Variants in ASTN2 observed in about 807,000 individuals in gnomAD.
ASTN2 encodes astrotactin 2, also known as astrotactin-2.
A neutral mutation model predicts 139.8 loss-of-function variants in ASTN2; 54 were observed. The observed-to-expected ratio is 0.39, with a 90% confidence interval of 0.31 to 0.48. ASTN2 has a LOEUF of 0.48. ASTN2 is among the 20% of genes least tolerant of loss of function. The pLI, the probability that ASTN2 is intolerant of heterozygous loss-of-function variation, is 0.95. For synonymous variants in ASTN2, 756 were observed against 719.5 expected (o/e 1.05, Z -0.81); for missense variants, 1,565 against 1,725.1 (o/e 0.91, Z 1.64).
chr9:116,601,706 C>A (rs750737842), intron 19 of ASTN2, among the ~76,000 whole-genome samples: 8 of 152,084 alleles, frequency 5.3e-5, no homozygotes, highest in Non-Finnish European at 7.4e-5. Flanking sequence ...AGTAAATGAA[C>A]AATTGGAAAG....
intron 2 of ASTN2, among the ~76,000 whole-genome samples, chr9:117,226,727 C>T (rs1014123274): frequency 1.3e-5 from 2 of 152,166 alleles, no homozygotes; most frequent in African/African-American, 2.4e-5. Context: ...GCTGAAAAGT[C>T]AGTGACAGGA....
rs1335432904 is a variant in ASTN2 at position 116,975,390 on chromosome 9, G to C, written c.1752-45C>G. 6.6e-6 allele frequency: 10 copies of C among 1,526,490 alleles called. No homozygotes were observed. In the East Asian group the frequency reaches 2.1e-4, roughly 32 times the overall value. 94.6% of individuals were successfully genotyped at this position (1,526,490 alleles called of 1,614,324 possible). ...ATTGGGGAACTCCCTGGGAAGCAGA[G>C]AGCAAACAGAAAAAAGGGGCCCCTG... On this transcript the variant is annotated intron_variant, in intron 9 of 22. Transcript: ENST00000313400.
At chr9:117,322,210 C>T (rs936110556) in intron 1 of ASTN2, among the ~76,000 whole-genome samples, 1 of 152,112 alleles carries the variant, frequency 6.6e-6, no homozygotes, top group Admixed American at 6.5e-5. Flanking sequence ...GTTGTACTCC[C>T]CCTTATCACA....
chr9:116,539,041 C>T (rs1389242731), intron 19 of ASTN2, among the ~76,000 whole-genome samples: 1 of 152,120 alleles, frequency 6.6e-6, no homozygotes, highest in Non-Finnish European at 1.5e-5. Context: ...CTGGTACATG[C>T]TACGACATGG....
At chr9:116,687,240 CA>C (rs1860287345) in intron 16 of ASTN2, 1 of 997,762 alleles carries the variant, frequency 1.0e-6, no homozygotes, top group Non-Finnish European at 1.2e-6. Context: ...CAAGCCCCAG[CA>C]TGCTGGGGAG....
intron 10 of ASTN2, among the ~76,000 whole-genome samples, chr9:116,892,704 C>T (rs909237177): frequency 6.6e-6 from 1 of 152,062 alleles, no homozygotes; most frequent in Non-Finnish European, 1.5e-5. Flanking sequence ...GCACTGTAAT[C>T]GTTATTTTGC....
At chr9:116,820,890 G>A (rs1831467504) in intron 11 of ASTN2, 107 bp from the exon 12 acceptor site, 9 of 1,166,690 alleles carry the variant, frequency 7.7e-6, no homozygotes, top group Non-Finnish European at 1.1e-5. Flanking sequence ...CTGACAGAAA[G>A]GTATTCAGTC....
chr9:116,592,870 C>T (rs1854431201), intron 19 of ASTN2, among the ~76,000 whole-genome samples: 1 of 152,172 alleles, frequency 6.6e-6, no homozygotes, highest in East Asian at 1.9e-4. Context: ...TGGATCTTTT[C>T]CCTTCATAAT....
intron 19 of ASTN2, among the ~76,000 whole-genome samples, chr9:116,528,539 AT>A: frequency 6.6e-6 from 1 of 152,308 alleles, no homozygotes; most frequent in South Asian, 2.1e-4. Context: ...AGAAAAACCC[AT>A]TTTTTGCAGA....
chr9:117,244,345 A>T (rs977270299), intron 2 of ASTN2, among the ~76,000 whole-genome samples: 1 of 152,104 alleles, frequency 6.6e-6, no homozygotes, highest in African/African-American at 2.4e-5. Context: ...ATGTACATAT[A>T]CATACTAGGA....
At chr9:116,605,136 T>C (rs1855123848) in intron 19 of ASTN2, among the ~76,000 whole-genome samples, 1 of 150,326 alleles carries the variant, frequency 6.7e-6, no homozygotes, top group African/African-American at 2.5e-5. Context: ...AAGGAAATAA[T>C]CAGGAAAGGA....
chr9:117,060,945 C>T (rs140568936), intron 5 of ASTN2, among the ~76,000 whole-genome samples: 6 of 151,912 alleles, frequency 3.9e-5, no homozygotes, highest in Admixed American at 2.0e-4. Flanking sequence ...AAAGTAGACA[C>T]GATAGAATTT....
At chr9:117,131,170 C>A (rs907781711) in intron 4 of ASTN2, among the ~76,000 whole-genome samples, 3 of 152,098 alleles carry the variant, frequency 2.0e-5, no homozygotes, top group African/African-American at 7.2e-5. Context: ...TAAGCCTGCC[C>A]AACACACTGA....
At chr9:116,957,508 G>A (rs1835746738) in intron 10 of ASTN2, among the ~76,000 whole-genome samples, 1 of 152,204 alleles carries the variant, frequency 6.6e-6, no homozygotes, top group Non-Finnish European at 1.5e-5. Context: ...CAGCCCATGT[G>A]TTGCACTCAG....
chr9:117,208,405 G>GA (rs200181750), intron 3 of ASTN2, among the ~76,000 whole-genome samples: 3 of 147,108 alleles, frequency 2.0e-5, no homozygotes, highest in East Asian at 2.0e-4. Context: ...AGGGCAAGCA[G>GA]AAAAAAAAAT....
intron 19 of ASTN2, among the ~76,000 whole-genome samples, chr9:116,554,097 T>G (rs185476088): frequency 6.6e-6 from 1 of 152,254 alleles, no homozygotes; most frequent in African/African-American, 2.4e-5. Context: ...TTTATCACTA[T>G]AGTAGTTACA....
At chr9:116,468,227 T>C (rs892053771) in intron 20 of ASTN2, among the ~76,000 whole-genome samples, 1 of 151,800 alleles carries the variant, frequency 6.6e-6, no homozygotes, top group Non-Finnish European at 1.5e-5. Context: ...AAAGGCTTTC[T>C]TTCCTTTTTC....
At chr9:116,558,219 CAGATA>C (rs1041795441) in intron 19 of ASTN2, among the ~76,000 whole-genome samples, 16 of 152,260 alleles carry the variant, frequency 1.1e-4, no homozygotes, top group African/African-American at 3.8e-4. Context: ...TGGAGACTTT[CAGATA>C]AGATAACAAT....
intron 3 of ASTN2, among the ~76,000 whole-genome samples, chr9:117,192,481 C>A (rs997720926): frequency 6.6e-6 from 1 of 151,940 alleles, no homozygotes. Context: ...TCCTTGTTTT[C>A]TAAGAAGTCC....
Sources: gnomAD v4.1 joint callset for allele counts (sites outside exome capture counted in the v4.1 genomes callset) on GRCh38, gnomAD v4.1.1 for gene constraint, MANE v1.5 for transcripts, NCBI Gene and HGNC (gene_info 2026-07-23, HGNC 2026-07-21) for gene names.